CADM2: variants seen among roughly 807,000 people sequenced by gnomAD.
CADM2 encodes the protein immunoglobulin superfamily member 4D.
Under a neutral mutation model 49.8 loss-of-function variants are expected in CADM2, and 12 were observed. That is an observed-to-expected ratio of 0.24 (90% CI 0.15 to 0.39). The LOEUF (loss-of-function observed/expected upper bound fraction) is 0.39. Among genes scored for constraint, CADM2 ranks in the 10% least tolerant of loss-of-function variants. The probability of loss-of-function intolerance (pLI) is 1.00; values close to 1 mark genes in which losing one functional copy is unlikely to be tolerated. For synonymous variants in CADM2, 214 were observed against 175.4 expected (o/e 1.22, Z -1.74); for missense variants, 378 against 492.3 (o/e 0.77, Z 2.20).
chr3:85,502,253 C>T (rs726610), intron 1 of CADM2, among the ~76,000 whole-genome samples: 106,987 of 152,038 alleles, frequency 0.7, 38,058 homozygotes, highest in East Asian at 0.93. Context: ...TGACCACTAT[C>T]TCTTGCCACT....
chr3:85,469,617 A>G (rs1324110496), intron 1 of CADM2, among the ~76,000 whole-genome samples: 1 of 152,218 alleles, frequency 6.6e-6, no homozygotes, highest in African/African-American at 2.4e-5. Context: ...AGTTAAGAAA[A>G]TAGTCAAAAC....
In CADM2 at chr3:86,066,793, C is replaced by T. The variant is rs1468897214; in HGVS notation, c.*10C>T. ...AGAGTATTTCATTTAAGATGCAGGC[C>T]AAGATTCTGAGTTTTACTACCAGGC... is the stretch of plus-strand genomic sequence containing the variant. On this transcript the variant is annotated 3_prime_UTR_variant, in exon 10 of 10. Transcript: ENST00000383699. 5.7e-6 allele frequency: 9 copies of T among 1,566,130 alleles called. No homozygotes were observed. The South Asian group carries it at 8.9e-5, about 15-fold the overall frequency.
intron 8 of CADM2, among the ~76,000 whole-genome samples, chr3:86,040,825 C>T (rs1735800574): frequency 2.0e-5 from 3 of 152,054 alleles, no homozygotes. Flanking sequence ...TAAGGGCAGC[C>T]AGAGAGAAAG....
intron 3 of CADM2, among the ~76,000 whole-genome samples, chr3:85,828,954 T>C (rs6549058): frequency 0.45 from 68,983 of 151,686 alleles, 16,656 homozygotes; most frequent in African/African-American, 0.6. Context: ...TAAATCTCAC[T>C]TTGTAAGTTC....
intron 2 of CADM2, among the ~76,000 whole-genome samples, chr3:85,772,987 T>G (rs1212131917): frequency 6.6e-6 from 1 of 151,830 alleles, no homozygotes; most frequent in Non-Finnish European, 1.5e-5. Flanking sequence ...ATATATTAGT[T>G]AGGTAAAGCT....
At chr3:85,194,420 A>G (rs1466279147) in intron 1 of CADM2, among the ~76,000 whole-genome samples, 1 of 152,086 alleles carries the variant, frequency 6.6e-6, no homozygotes, top group Non-Finnish European at 1.5e-5. Flanking sequence ...GTGGACTGGC[A>G]GGAGGTGATT....
At chr3:85,354,421 T>A (rs986712157) in intron 1 of CADM2, among the ~76,000 whole-genome samples, 3 of 150,308 alleles carry the variant, frequency 2.0e-5, no homozygotes, top group African/African-American at 7.3e-5. Context: ...AGTTAATGGG[T>A]GCAGCACACC....
In CADM2 at chr3:84,959,011, T is replaced by C. The variant is rs1467669419; in HGVS notation, c.-597T>C. The C allele has an allele frequency of 3.6e-5, 7 of 194,782 alleles. No homozygotes were observed. The highest frequency in any genetic ancestry group is 7.0e-5 in the South Asian group (1 of 14,376). The allele number at this position is 194,782 out of a possible 1,614,324, so 12.1% of individuals were successfully genotyped here. A position where few individuals can be genotyped will look rare whatever the true frequency, so the allele number is the denominator to read the frequency against. ...TTCGTAGAGCTGCCGCCGTCGCCGC[T>C]GCCGCTGCCGCCACAGCCGCCGCTG... is the stretch of plus-strand genomic sequence containing the variant. On this transcript the variant is annotated 5_prime_UTR_variant, in exon 1 of 10. Coordinates refer to ENST00000383699, the MANE Select transcript of CADM2 (RefSeq NM_001167675.2).
At chr3:85,635,662 ATTTAT>A (rs937208065) in intron 1 of CADM2, among the ~76,000 whole-genome samples, 4 of 152,078 alleles carry the variant, frequency 2.6e-5, no homozygotes, top group African/African-American at 9.7e-5. Flanking sequence ...ATCATGGGTA[ATTTAT>A]TTTAGGACAT....
intron 1 of CADM2, among the ~76,000 whole-genome samples, chr3:85,419,956 C>G (rs1435172845): frequency 6.6e-6 from 1 of 152,110 alleles, no homozygotes; most frequent in Non-Finnish European, 1.5e-5. Flanking sequence ...TTCTGACAAG[C>G]TTGTAGGAGA....
rs113220222 is a variant in CADM2, at chr3:85,181,925, G to T, written c.61+222257G>T. 2.0e-3 allele frequency among the ~76,000 whole-genome samples: 294 copies of T among 148,998 alleles called. 1 individual carries two copies. The highest frequency in any genetic ancestry group is 6.8e-3 in the African/African-American group (280 of 40,976). The stretch of plus-strand genomic sequence containing the variant: ...ATATAAATCGATATGACTAAAAGAA[G>T]AATTGAAAGAAGATATATATTCTTT... On this transcript the variant is annotated intron_variant, in intron 1 of 9. Transcript: ENST00000383699.
At chr3:85,120,360 T>C (rs2038809064) in intron 1 of CADM2, among the ~76,000 whole-genome samples, 1 of 152,160 alleles carries the variant, frequency 6.6e-6, no homozygotes, top group Non-Finnish European at 1.5e-5. Context: ...TATAAATCAT[T>C]CTACTATAAA....
At chr3:85,608,220 C>A (rs1024710947) in intron 1 of CADM2, among the ~76,000 whole-genome samples, 2 of 151,968 alleles carry the variant, frequency 1.3e-5, no homozygotes, top group Admixed American at 6.6e-5. Flanking sequence ...AAATTTAAAT[C>A]TTTAAATACA....
intron 1 of CADM2, among the ~76,000 whole-genome samples, chr3:85,403,305 A>C (rs2035209254): frequency 6.6e-6 from 1 of 152,130 alleles, no homozygotes; most frequent in Non-Finnish European, 1.5e-5. Context: ...AAATTGAGTA[A>C]AAAAGTGCAT....
chr3:85,846,587 C>G (rs917762493), intron 3 of CADM2, among the ~76,000 whole-genome samples: 2 of 152,108 alleles, frequency 1.3e-5, no homozygotes, highest in African/African-American at 4.8e-5. Context: ...AAGATTAAGG[C>G]TATGTGTGGT....
At chr3:85,486,230 G>T (rs970828095) in intron 1 of CADM2, among the ~76,000 whole-genome samples, 1 of 152,004 alleles carries the variant, frequency 6.6e-6, no homozygotes, top group Non-Finnish European at 1.5e-5. Flanking sequence ...ATCATAAAAA[G>T]AAATACCATT....
At chr3:86,015,123 G>GGGC in intron 8 of CADM2, 1 of 530,542 alleles carries the variant, frequency 1.9e-6, no homozygotes. Flanking sequence ...AAATACCTAG[G>GGGC]AGAGTTTTAA....
chr3:84,985,075 T>C (rs1428830829), intron 1 of CADM2, among the ~76,000 whole-genome samples: 1 of 152,164 alleles, frequency 6.6e-6, no homozygotes, highest in Non-Finnish European at 1.5e-5. Flanking sequence ...CGTGGGTTTA[T>C]GTTTTGGGCT....
intron 1 of CADM2, among the ~76,000 whole-genome samples, chr3:85,009,347 G>A (rs1340760794): frequency 6.6e-6 from 1 of 152,054 alleles, no homozygotes; most frequent in Non-Finnish European, 1.5e-5. Context: ...GTAATTTGGT[G>A]GATCTGTTCA....
Sources: allele counts gnomAD v4.1 joint callset (sites outside exome capture counted in the v4.1 genomes callset), GRCh38; gene constraint gnomAD v4.1.1; transcripts MANE v1.5; gene names NCBI Gene and HGNC (gene_info 2026-07-23, HGNC 2026-07-21).